The following MAPK4 variants were observed in gnomAD, a reference collection of about 807,000 sequenced individuals.
MAPK4 encodes the protein mitogen-activated protein kinase 4, also known as Erk3-related.
MAPK4 carries 22 observed loss-of-function variants against 47.7 expected under a neutral mutation model. That is an observed-to-expected ratio of 0.46 (90% CI 0.33 to 0.66). The LOEUF (loss-of-function observed/expected upper bound fraction) is 0.66, where lower values mean the gene tolerates loss of function less well. Among genes scored for constraint, MAPK4 ranks in the 30% least tolerant of loss-of-function variants. MAPK4 has a pLI of 0.02. For missense variants in MAPK4, 736 were observed against 831.7 expected (o/e 0.88, Z 1.42); for synonymous variants, 390 against 365.7 (o/e 1.07, Z -0.76).
chr18:50,633,705 T>A (rs2042853496), intron 1 of MAPK4, among the ~76,000 whole-genome samples: 1 of 152,186 alleles, frequency 6.6e-6, no homozygotes. Context: ...TCCCGAAATC[T>A]TACTATAAAG....
At chr18:50,684,974 T>C (rs968861798) in intron 2 of MAPK4, among the ~76,000 whole-genome samples, 1 of 152,194 alleles carries the variant, frequency 6.6e-6, no homozygotes, top group Admixed American at 6.5e-5. Context: ...CATCTCCTTC[T>C]CTTCTCACCC....
intron 1 of MAPK4, among the ~76,000 whole-genome samples, chr18:50,619,619 A>G (rs1052066850): frequency 2.0e-5 from 3 of 152,130 alleles, no homozygotes; most frequent in Non-Finnish European, 4.4e-5. Context: ...GTGAGCCACC[A>G]CACTGGGCCT....
intron 3 of MAPK4, among the ~76,000 whole-genome samples, chr18:50,717,249 G>T (rs765582283): frequency 1.3e-5 from 2 of 152,218 alleles, no homozygotes; most frequent in African/African-American, 4.8e-5. Context: ...GATCTGAAGC[G>T]AGTATCAGAG....
At chr18:50,682,586 C>T (rs1267779548) in intron 2 of MAPK4, among the ~76,000 whole-genome samples, 2 of 152,130 alleles carry the variant, frequency 1.3e-5, no homozygotes, top group Non-Finnish European at 2.9e-5. Flanking sequence ...AAGGATAATA[C>T]ATATTGACCA....
chr18:50,696,757 G>A (rs1178511151), intron 2 of MAPK4, among the ~76,000 whole-genome samples: 1 of 152,178 alleles, frequency 6.6e-6, no homozygotes, highest in Non-Finnish European at 1.5e-5. Context: ...TTTAATTAAG[G>A]TAATTATGCA....
chr18:50,660,081 C>A (rs766722555), intron 1 of MAPK4, among the ~76,000 whole-genome samples: 2 of 152,212 alleles, frequency 1.3e-5, no homozygotes, highest in Non-Finnish European at 2.9e-5. Flanking sequence ...GCGGTGGATG[C>A]CTTGTAATCA....
At chr18:50,561,953 A>C (rs2042157370) in intron 1 of MAPK4, among the ~76,000 whole-genome samples, 1 of 152,234 alleles carries the variant, frequency 6.6e-6, no homozygotes, top group Non-Finnish European at 1.5e-5. Flanking sequence ...TGCTGGAGAC[A>C]GACAAAAAGA....
At chr18:50,716,079 G>A (rs1023963040) in intron 3 of MAPK4, among the ~76,000 whole-genome samples, 1 of 152,158 alleles carries the variant, frequency 6.6e-6, no homozygotes, top group African/African-American at 2.4e-5. Flanking sequence ...CCCAGGGCAT[G>A]AGTCATCCTT....
intron 2 of MAPK4, among the ~76,000 whole-genome samples, chr18:50,683,453 G>GGGGT (rs74176773): frequency 1.4e-5 from 2 of 142,152 alleles, no homozygotes; most frequent in Non-Finnish European, 3.1e-5. Flanking sequence ...TTGGTGATGG[G>GGGGT]GTGTGTGTGT....
At chr18:50,655,305 AG>A (rs1469172742) in intron 1 of MAPK4, among the ~76,000 whole-genome samples, 3 of 152,012 alleles carry the variant, frequency 2.0e-5, no homozygotes, top group Non-Finnish European at 4.4e-5. Context: ...TTTTAGACTA[AG>A]CTGGGCTTTT....
chr18:50,729,611 C>T lies in MAPK4; in HGVS notation c.1521C>T (p.Ala507=). 2.9e-6 allele frequency: 4 copies of T among 1,377,106 alleles called. No individual in the cohort carries two copies. Among genetic ancestry groups the T allele is most frequent in the Non-Finnish European group, 3.7e-6 (4 of 1,068,252 alleles). 85.3% of individuals were successfully genotyped at this position (1,377,106 alleles called of 1,614,324 possible). A position where few individuals can be genotyped will look rare whatever the true frequency, so the allele number is the denominator to read the frequency against. Residue 507 remains alanine, a synonymous_variant, in exon 6 of 6, where the codon GCC becomes GCT. Coordinates refer to ENST00000400384, the MANE Select transcript of MAPK4 (RefSeq NM_002747.4). ...VKSTQGGPEH[A]SPPADDPERR... The stretch of plus-strand genomic sequence containing the variant: ...GCACGCAGGGCGGCCCAGAGCACGC[C>T]AGCCCGCCCGCCGACGACCCCGAGC...
In MAPK4 at chr18:50,729,647, T is replaced by G. The variant is rs535834033; in HGVS notation, c.1557T>G (p.Ser519=). 1.4e-4 allele frequency: 211 copies of G among 1,493,762 alleles called. 1 individual carries two copies. The African/African-American group carries it at 2.8e-3, about 20-fold the overall frequency. The allele number at this position is 1,493,762 out of a possible 1,614,324, so 92.5% of individuals were successfully genotyped here. A position where few individuals can be genotyped will look rare whatever the true frequency, so the allele number is the denominator to read the frequency against. Residue 519 remains serine, a synonymous_variant, in exon 6 of 6, where the codon TCT becomes TCG. Transcript: ENST00000400384. ...CCGACGACCCCGAGCGCCGCTTGTC[T>G]GCCTCGCCCCCCGGCCGCCCGGCCC... ...PPADDPERRL[S]ASPPGRPAPV... is the part of the protein sequence containing the mutation.
intron 1 of MAPK4, among the ~76,000 whole-genome samples, chr18:50,602,793 A>G (rs1157396978): frequency 6.6e-6 from 1 of 152,102 alleles, no homozygotes; most frequent in Admixed American, 6.5e-5. Flanking sequence ...AGAATCAGCA[A>G]CCCCATTCCC....
At chr18:50,681,721 C>T (rs1908598122) in intron 2 of MAPK4, among the ~76,000 whole-genome samples, 1 of 152,198 alleles carries the variant, frequency 6.6e-6, no homozygotes. Flanking sequence ...TATCACTTAA[C>T]TATAAATGTA....
At chr18:50,628,665 C>G (rs2042802904) in intron 1 of MAPK4, among the ~76,000 whole-genome samples, 1 of 152,182 alleles carries the variant, frequency 6.6e-6, no homozygotes, top group South Asian at 2.1e-4. Context: ...TTTTAAGAGC[C>G]CATCAGGAGC....
chr18:50,679,805 C>T (rs1199478126), intron 2 of MAPK4, among the ~76,000 whole-genome samples: 1 of 152,182 alleles, frequency 6.6e-6, no homozygotes, highest in Non-Finnish European at 1.5e-5. Flanking sequence ...CCCTGGGCCC[C>T]ACTGTGAGCA....
chr18:50,676,553 C>T (rs1908283007), intron 2 of MAPK4, among the ~76,000 whole-genome samples: 1 of 152,128 alleles, frequency 6.6e-6, no homozygotes. Context: ...GAAACTCATC[C>T]TAAAGTTAAA....
At chr18:50,578,657 A>G (rs1263029351) in intron 1 of MAPK4, among the ~76,000 whole-genome samples, 2 of 152,246 alleles carry the variant, frequency 1.3e-5, no homozygotes, top group African/African-American at 4.8e-5. Context: ...AAAAATTATG[A>G]AACACCTAAT....
At chr18:50,680,901 A>G (rs536173050) in intron 2 of MAPK4, among the ~76,000 whole-genome samples, 3 of 152,296 alleles carry the variant, frequency 2.0e-5, no homozygotes, top group East Asian at 3.9e-4. Flanking sequence ...TTCATGTACA[A>G]GTTTTTATGT....
Sources: allele counts gnomAD v4.1 joint callset (sites outside exome capture counted in the v4.1 genomes callset), GRCh38; gene constraint gnomAD v4.1.1; transcripts MANE v1.5; gene names NCBI Gene and HGNC (gene_info 2026-07-23, HGNC 2026-07-21).